Variants in BMP2K observed in about 807,000 individuals in gnomAD.
BMP2K encodes BMP2 inducible kinase, also known as BMP-2-inducible protein kinase.
Under a neutral mutation model 116.0 loss-of-function variants are expected in BMP2K, and 74 were observed. The observed-to-expected ratio is 0.64, with a 90% CI of 0.53 to 0.77. BMP2K has a LOEUF of 0.77. Ranked by LOEUF, BMP2K falls within the 30% of genes least tolerant of loss-of-function variation. BMP2K has a pLI of 0.00. For synonymous variants in BMP2K, 486 were observed against 502.5 expected, an observed-to-expected ratio of 0.97 and a Z score of 0.44; for missense variants, 1,365 against 1,403.6, an observed-to-expected ratio of 0.97 and a Z score of 0.44.
chr4:78,870,476 T>C (rs945144167), intron 10 of BMP2K, among the ~76,000 whole-genome samples: 5 of 152,234 alleles, frequency 3.3e-5, no homozygotes, highest in Non-Finnish European at 7.3e-5. Flanking sequence ...CTCATGATAG[T>C]ACATGATATT....
intron 15 of BMP2K, among the ~76,000 whole-genome samples, chr4:78,901,012 A>G (rs1177793650): frequency 1.3e-5 from 2 of 152,128 alleles, no homozygotes; most frequent in Non-Finnish European, 1.5e-5. Context: ...GTTCTATCAC[A>G]GATTAACCAT....
intron 14 of BMP2K, among the ~76,000 whole-genome samples, chr4:78,885,116 T>C (rs1284151109): frequency 1.3e-5 from 2 of 152,210 alleles, no homozygotes; most frequent in Admixed American, 1.3e-4. Context: ...AAAACAATTG[T>C]CAGATGTATT....
chr4:78,818,894 T>G (rs755236131), intron 1 of BMP2K, among the ~76,000 whole-genome samples: 3 of 151,372 alleles, frequency 2.0e-5, no homozygotes, highest in Non-Finnish European at 2.9e-5. Context: ...TCTCCTAGGA[T>G]CAAGCGATTC....
intron 3 of BMP2K, among the ~76,000 whole-genome samples, chr4:78,839,075 T>TA (rs1205562760): frequency 6.6e-6 from 1 of 152,126 alleles, no homozygotes; most frequent in East Asian, 1.9e-4. Flanking sequence ...TTTGCTTAAT[T>TA]AAAAAAAATT....
intron 8 of BMP2K, chr4:78,859,952 C>G: frequency 1.8e-6 from 1 of 549,276 alleles, no homozygotes; most frequent in Non-Finnish European, 3.3e-6. Flanking sequence ...ATCTTTCTGA[C>G]TTAGCACAAA....
Position 78,857,543 on chromosome 4 carries a change from A to G in BMP2K, c.884-2041A>G, listed in dbSNP as rs138683015. On this transcript the variant is annotated intron_variant, in intron 7 of 15. Coordinates refer to ENST00000502613, the MANE Select transcript of BMP2K (RefSeq NM_198892.2). ...AAGAAAAACAAGGAATGCCTGAACT[A>G]TCATTTAATTCCTCTCTGAATACTT... Among the ~76,000 whole-genome samples, 417 of 152,276 alleles carry G rather than the reference A, an allele frequency of 2.7e-3. 4 individuals carry two copies. Among genetic ancestry groups the G allele is most frequent in the African/African-American group, 9.5e-3 (395 of 41,566 alleles).
At position 78,914,188 on chromosome 4, in the gene BMP2K, A is replaced by G. The variant is rs544112613; in HGVS notation, c.*2155A>G. The G allele has an allele frequency of 2.6e-5, 4 of 152,152 alleles. No individual in the cohort carries two copies. The highest frequency in any genetic ancestry group is 3.9e-4 in the East Asian group (2 of 5,176). 9.4% of individuals were successfully genotyped at this position (152,152 alleles called of 1,614,324 possible). On this transcript the variant is annotated 3_prime_UTR_variant, in exon 16 of 16. Coordinates refer to ENST00000502613, the MANE Select transcript of BMP2K (RefSeq NM_198892.2). ...TAGAAAAGGGGTAGAGGATGAACTAATGTCTCCTTCAGATGTAAACATGAA... is the reference window on the plus strand; with the variant it reads ...TAGAAAAGGGGTAGAGGATGAACTAGTGTCTCCTTCAGATGTAAACATGAA...
intron 1 of BMP2K, among the ~76,000 whole-genome samples, chr4:78,810,239 T>C (rs545545000): frequency 6.6e-6 from 1 of 152,334 alleles, no homozygotes; most frequent in African/African-American, 2.4e-5. Context: ...CTCGTGAGCC[T>C]TCTTTCTTTT....
intron 14 of BMP2K, among the ~76,000 whole-genome samples, chr4:78,885,813 A>G (rs1733048601): frequency 6.6e-6 from 1 of 152,198 alleles, no homozygotes; most frequent in African/African-American, 2.4e-5. Context: ...ACATCCTACA[A>G]AAATCAGGAA....
intron 7 of BMP2K, chr4:78,859,281 T>G (rs1005797657): frequency 9.5e-6 from 2 of 211,370 alleles, no homozygotes; most frequent in African/African-American, 2.3e-5. Context: ...CTTGAATAAT[T>G]CCCCAGTGTT....
At chr4:78,811,221 T>A (rs1729073332) in intron 1 of BMP2K, among the ~76,000 whole-genome samples, 1 of 152,176 alleles carries the variant, frequency 6.6e-6, no homozygotes, top group African/African-American at 2.4e-5. Context: ...TGTCTCTCAT[T>A]CCTAAAAGCT....
intron 1 of BMP2K, among the ~76,000 whole-genome samples, chr4:78,788,124 A>G (rs1727816226): frequency 6.6e-6 from 1 of 151,048 alleles, no homozygotes; most frequent in Non-Finnish European, 1.5e-5. Context: ...GCAATTACCC[A>G]TTTTTTCATT....
At chr4:78,884,573 A>G (rs141219112) in intron 14 of BMP2K, among the ~76,000 whole-genome samples, 2 of 152,270 alleles carry the variant, frequency 1.3e-5, no homozygotes, top group African/African-American at 4.8e-5. Flanking sequence ...GGATATTGAC[A>G]TGCTGTAGTT....
At position 78,872,760 on chromosome 4, in the gene BMP2K, G is replaced by A. The variant is rs116781249; in HGVS notation, c.1755G>A (p.Gln585=). Residue 585 remains glutamine (Q), a synonymous_variant, in exon 13 of 16, where the codon CAG becomes CAA. Transcript: ENST00000502613. ...CCTACACTTCATCACTTCCAGCTCA[G>A]GTTGGAACCATAATGGACTCCTCCT... is the stretch of plus-strand genomic sequence containing the variant. ...LVSYTSSLPA[Q]VGTIMDSSYS... is the part of the protein sequence containing the mutation. The A allele has an allele frequency of 1.3e-3, 2,020 of 1,613,992 alleles. 22 individuals carry two copies. The African/African-American group carries it at 0.023, about 19-fold the overall frequency.
rs1445087449 is a variant in BMP2K, at chr4:78,776,492, C to T, written c.-52C>T. The T allele has an allele frequency of 8.1e-6, 9 of 1,117,892 alleles. No homozygotes were observed. Among genetic ancestry groups the T allele is most frequent in the Middle Eastern group, 3.7e-4 (1 of 2,738 alleles). The allele number at this position is 1,117,892 out of a possible 1,614,324, so 69.2% of individuals were successfully genotyped here. On this transcript the variant is annotated 5_prime_UTR_variant, in exon 1 of 16. Coordinates refer to ENST00000502613, the MANE Select transcript of BMP2K (RefSeq NM_198892.2). Reference sequence around the variant, plus strand: ...GCGGACGCCCGGCTGCGCGCCGGGCCGGGGACTTGCCCTTGCACGCTCCCT... The same window carrying T: ...GCGGACGCCCGGCTGCGCGCCGGGCTGGGGACTTGCCCTTGCACGCTCCCT...
intron 1 of BMP2K, among the ~76,000 whole-genome samples, chr4:78,780,821 C>T (rs1461657537): frequency 6.6e-6 from 1 of 152,132 alleles, no homozygotes; most frequent in African/African-American, 2.4e-5. Flanking sequence ...CAAAAATCAC[C>T]AAGTTACTAT....
chr4:78,908,922 A>G (rs1269206134), intron 15 of BMP2K, among the ~76,000 whole-genome samples: 1 of 151,928 alleles, frequency 6.6e-6, no homozygotes, highest in Admixed American at 6.6e-5. Flanking sequence ...ATCCACCAAG[A>G]GTTTTCAATC....
chr4:78,888,837 C>T (rs10518207), intron 15 of BMP2K, among the ~76,000 whole-genome samples: 10,731 of 152,134 alleles, frequency 0.071, 1,168 homozygotes, highest in African/African-American at 0.24. Context: ...CAGTAGGTAC[C>T]TAATACTGTT....
At chr4:78,897,493 A>G (rs1374083857) in intron 15 of BMP2K, among the ~76,000 whole-genome samples, 2 of 152,196 alleles carry the variant, frequency 1.3e-5, no homozygotes, top group Non-Finnish European at 2.9e-5. Flanking sequence ...ACTTTGAATA[A>G]TATAGGAAAA....
Sources: gnomAD v4.1 joint callset for allele counts (sites outside exome capture counted in the v4.1 genomes callset) on GRCh38, gnomAD v4.1.1 for gene constraint, MANE v1.5 for transcripts, NCBI Gene and HGNC (gene_info 2026-07-23, HGNC 2026-07-21) for gene names.